The following PLEKHM2 variants were observed in gnomAD, a reference collection of about 807,000 sequenced individuals.
PLEKHM2 encodes pleckstrin homology domain-containing family M member 2.
Under a neutral mutation model 116.3 loss-of-function variants are expected in PLEKHM2, and 77 were observed. The ratio of observed to expected loss-of-function variants is 0.66; its 90% CI spans 0.55 to 0.80. The LOEUF is 0.80. Among genes scored for constraint, PLEKHM2 ranks in the 30% least tolerant of loss-of-function variants. The pLI is 0.00. For synonymous variants in PLEKHM2, 562 were observed against 571.0 expected, an observed-to-expected ratio of 0.98 and a Z score of 0.22; for missense variants, 1,183 against 1,354.9, an observed-to-expected ratio of 0.87 and a Z score of 1.99.
At chr1:15,701,124 A>G (rs1641101517) in intron 1 of PLEKHM2, among the ~76,000 whole-genome samples, 1 of 136,832 alleles carries the variant, frequency 7.3e-6, no homozygotes, top group Non-Finnish European at 1.6e-5. Context: ...AAAAAAAAAA[A>G]AAAAAGGGGG....
At chr1:15,688,032 A>C (rs1640807832) in intron 1 of PLEKHM2, among the ~76,000 whole-genome samples, 1 of 152,210 alleles carries the variant, frequency 6.6e-6, no homozygotes. Context: ...CTGAGCGGAC[A>C]GCTTAATGAG....
At chr1:15,697,951 C>G (rs1030677577) in intron 1 of PLEKHM2, among the ~76,000 whole-genome samples, 6 of 152,142 alleles carry the variant, frequency 3.9e-5, no homozygotes, top group Non-Finnish European at 5.9e-5. Context: ...CGGAGGTGGG[C>G]AAAGAAACCT....
chr1:15,685,483 C>T (rs1278060454), intron 1 of PLEKHM2, among the ~76,000 whole-genome samples: 1 of 146,872 alleles, frequency 6.8e-6, no homozygotes, highest in African/African-American at 2.5e-5. Context: ...CTCTCTCCCT[C>T]TCTGTGTGTG....
intron 16 of PLEKHM2, 40 bp from the exon 17 acceptor site, chr1:15,731,849 T>TGCTTCCTCGCTCCCGTTTCACCCTC: frequency 6.3e-7 from 1 of 1,578,984 alleles, no homozygotes; most frequent in South Asian, 1.2e-5. Context: ...GTGCTGCCCT[T>TGCTTCCTCGCTCCCGTTTCACCCTC]GCCTCCTCGC....
chr1:15,687,962 A>G (rs979965074), intron 1 of PLEKHM2, among the ~76,000 whole-genome samples: 8 of 152,238 alleles, frequency 5.3e-5, no homozygotes, highest in African/African-American at 1.9e-4. Context: ...CTATATTTGC[A>G]AAGAGTACTT....
intron 1 of PLEKHM2, among the ~76,000 whole-genome samples, chr1:15,698,541 CTTTCTTTCTTTT>C (rs1322984765): frequency 1.2e-4 from 17 of 139,032 alleles, no homozygotes; most frequent in African/African-American, 1.7e-4. Flanking sequence ...TTCTTTCTTT[CTTTCTTTCTTTT>C]TTTTTTTTTT....
intron 1 of PLEKHM2, among the ~76,000 whole-genome samples, chr1:15,706,949 G>A (rs1641238517): frequency 6.6e-6 from 1 of 152,182 alleles, no homozygotes; most frequent in Admixed American, 6.6e-5. Context: ...TTGAGCAAGA[G>A]GCAGCTCCTC....
At chr1:15,682,374 C>T (rs1369032300), upstream of PLEKHM2, among the ~76,000 whole-genome samples, 1 of 150,248 alleles carries the variant, frequency 6.7e-6, no homozygotes, top group Non-Finnish European at 1.5e-5. Flanking sequence ...TCACTTGAAC[C>T]TGGGAGGAGG....
Position 15,728,210 on chromosome 1 carries a change from G to A in PLEKHM2, c.1831-57G>A, listed in dbSNP as rs184724388. On this transcript the variant is annotated intron_variant, in intron 10 of 19. Coordinates refer to ENST00000375799, the MANE Select transcript of PLEKHM2 (RefSeq NM_015164.4). This position sits in a 1 kb window ranked among gnomAD's most constrained non-coding sequence, Gnocchi z 5.9. ...CAAGGGCAAGGCGGGATGGGCCACC[G>A]CCCCCGCTGGAGCGGCAGGAGCCAC... The A allele has an allele frequency of 2.6e-4, 412 of 1,603,646 alleles. 2 individuals carry two copies. The African/African-American group carries it at 4.7e-3, about 18-fold the overall frequency.
At position 15,721,888 on chromosome 1, in the gene PLEKHM2, A is replaced by T. The variant is rs1278036310; in HGVS notation, c.712+500A>T. ...CCAAGTCAGGAAACTGCCCAGGTAC[A>T]GCTGAAACTTCCTACAGACAGAATC... is the stretch of plus-strand genomic sequence containing the variant. On this transcript the variant is annotated intron_variant, in intron 7 of 19. Coordinates refer to ENST00000375799, the MANE Select transcript of PLEKHM2 (RefSeq NM_015164.4). This position sits in a 1 kb window ranked among gnomAD's most constrained non-coding sequence, Gnocchi z 5.1. Among the ~76,000 whole-genome samples the T allele has an allele frequency of 6.6e-6, 1 of 152,242 alleles. No individual in the cohort carries two copies. The highest frequency in any genetic ancestry group is 1.9e-4 in the East Asian group (1 of 5,200).
At position 15,727,927 on chromosome 1, in the gene PLEKHM2, A is replaced by C; in HGVS notation, c.1760+95A>C. 1.6e-6 allele frequency: 2 copies of C among 1,243,332 alleles called. No individual in the cohort carries two copies. The highest frequency in any genetic ancestry group is 2.3e-6 in the Non-Finnish European group (2 of 880,302). The allele number at this position is 1,243,332 out of a possible 1,614,324, so 77.0% of individuals were successfully genotyped here. ...TCCAGATAAATTAAGCACTAGGAAG[A>C]CCTAGCCTGAGTGAGAAGGGGTGTG... On this transcript the variant is annotated intron_variant, in intron 9 of 19. Coordinates refer to ENST00000375799, the MANE Select transcript of PLEKHM2 (RefSeq NM_015164.4). The surrounding 1 kb of genome is among the most constrained non-coding windows in gnomAD (Gnocchi z 7.5).
chr1:15,710,330 GTTA>G (rs1641307046), intron 1 of PLEKHM2, among the ~76,000 whole-genome samples: 1 of 151,802 alleles, frequency 6.6e-6, no homozygotes, highest in African/African-American at 2.4e-5. Context: ...TGTTGTTGTT[GTTA>G]TTGTTGTTAT....
chr1:15,716,626 C>A, intron 2 of PLEKHM2, 81 bp from the exon 3 acceptor site: 4 of 1,418,738 alleles, frequency 2.8e-6, no homozygotes, highest in Non-Finnish European at 3.9e-6. Flanking sequence ...TCCTGCCTTG[C>A]GCTCACTGCT....
In PLEKHM2 at chr1:15,719,820, C is replaced by T. The variant is rs779158500; in HGVS notation, c.552C>T (p.Ser184=). The T allele has an allele frequency of 3.1e-6, 5 of 1,613,754 alleles. No homozygotes were observed. The highest frequency in any genetic ancestry group is 4.2e-6 in the Non-Finnish European group (5 of 1,179,730). Residue 184 remains serine, a synonymous_variant, in exon 6 of 20, where the codon AGC becomes AGT. Transcript: ENST00000375799. This position sits in a 1 kb window ranked among gnomAD's most constrained non-coding sequence, Gnocchi z 4.1. Reference sequence around the variant, plus strand: ...TGGACTTTGAAGACCGCCTTCCCAGCTCGGTCCACGGCTCAGACAGTCTGT... The same window carrying T: ...TGGACTTTGAAGACCGCCTTCCCAGTTCGGTCCACGGCTCAGACAGTCTGT... ...YLLDFEDRLP[S]SVHGSDSLSL...
intron 7 of PLEKHM2, among the ~76,000 whole-genome samples, chr1:15,724,481 CAAA>C (rs570441692): frequency 8.4e-6 from 1 of 118,524 alleles, no homozygotes; most frequent in Admixed American, 8.7e-5. Flanking sequence ...GACTCCGTCT[CAAA>C]AAAAAAAAAA....
At chr1:15,722,835 T>C (rs2068013156) in intron 7 of PLEKHM2, 1 of 152,142 alleles carries the variant, frequency 6.6e-6, no homozygotes, top group Admixed American at 6.5e-5. Flanking sequence ...TATTGTTTTT[T>C]TTTCCCTCCG....
At chr1:15,703,851 G>A (rs1641167552) in intron 1 of PLEKHM2, among the ~76,000 whole-genome samples, 1 of 152,160 alleles carries the variant, frequency 6.6e-6, no homozygotes, top group Non-Finnish European at 1.5e-5. Flanking sequence ...TCCTGGCTTT[G>A]GGAGAGTCTG....
chr1:15,721,367 G>A lies in PLEKHM2; in HGVS notation c.691G>A (p.Val231Ile), dbSNP rs1314375913. The A allele has an allele frequency of 9.5e-6, 15 of 1,570,752 alleles. 1 individual carries two copies. In the East Asian group the frequency reaches 1.2e-4, roughly 12 times the overall value. ...FGDVFPAVPS[V>I]PSTDWEDGDL... ...AGATGTGTTTCCAGCAGTGCCGTCT[G>A]TACCCAGCACAGACTGGGAAGGTGG... The change falls in exon 7 of 20, where the codon GTA becomes ATA. Residue 231 changes from valine to isoleucine, a missense_variant. Physicochemically the swap from Val to Ile is conservative, Grantham distance 29. This residue lies in a region of PLEKHM2 where 372 missense variants were observed against 357.2 expected (regional missense o/e 1.04). Transcript: ENST00000375799. The surrounding 1 kb of genome is among the most constrained non-coding windows in gnomAD (Gnocchi z 5.1).
At chr1:15,700,286 C>A (rs984427653) in intron 1 of PLEKHM2, among the ~76,000 whole-genome samples, 3 of 152,110 alleles carry the variant, frequency 2.0e-5, no homozygotes, top group Non-Finnish European at 4.4e-5. Context: ...GTCACCCAGG[C>A]TCGGATGAGC....
Sources: allele counts gnomAD v4.1 joint callset (sites outside exome capture counted in the v4.1 genomes callset), GRCh38; gene constraint gnomAD v4.1.1; regional missense constraint gnomAD v4.1.1; non-coding constraint Gnocchi (gnomAD v3.1); transcripts MANE v1.5; gene names NCBI Gene and HGNC (gene_info 2026-07-23, HGNC 2026-07-21).